CCDC187: variants seen among roughly 807,000 people sequenced by gnomAD.
The protein encoded by CCDC187 is coiled-coil domain containing 187.
In CCDC187, 32 loss-of-function variants were observed where a neutral mutation model predicts 38.0. That is an observed-to-expected ratio of 0.84 (90% CI 0.64 to 1.13). The LOEUF is 1.13. Among genes scored for constraint, CCDC187 ranks in the 50% most tolerant of loss-of-function variants. The probability of loss-of-function intolerance (pLI) is 0.00; values close to 1 mark genes in which losing one functional copy is unlikely to be tolerated. For synonymous variants in CCDC187, 333 were observed against 347.9 expected (o/e 0.96, Z 0.48); for missense variants, 707 against 786.8 (o/e 0.90, Z 1.21).
rs1012724241 is a variant in CCDC187, at chr9:136,299,681, C to T, written c.724+539G>A. 3.9e-5 allele frequency among the ~76,000 whole-genome samples: 6 copies of T among 152,350 alleles called. No homozygotes were observed. In the East Asian group the frequency reaches 1.2e-3, roughly 29 times the overall value. ...CAGCTCCTGCCCCCTCCATCCTACC[C>T]CTTCCATTTGTTGAGCAAATGAGTA... On this transcript the variant is annotated intron_variant, in intron 3 of 25. Coordinates refer to ENST00000638797, the MANE Select transcript of CCDC187 (RefSeq NM_001378188.1).
Position 136,258,669 on chromosome 9 carries a change from A to T in CCDC187, c.4366+263T>A. ...CTTAAAAATCTGCCCCAGATGAACG[A>T]AGTTGCGACTAAAACAATCCCAGCC... On this transcript the variant is annotated intron_variant, in intron 22 of 25. Transcript: ENST00000638797. The surrounding 1 kb of genome is among the most constrained non-coding windows in gnomAD (Gnocchi z 4.3). The T allele has an allele frequency of 1.0e-6, 1 of 984,036 alleles. No homozygotes were observed. Among genetic ancestry groups the T allele is most frequent in the Non-Finnish European group, 1.2e-6 (1 of 828,670 alleles). 61.0% of individuals were successfully genotyped at this position (984,036 alleles called of 1,614,324 possible).
At chr9:136,284,578 C>T (rs1831127116) in intron 9 of CCDC187, among the ~76,000 whole-genome samples, 1 of 152,084 alleles carries the variant, frequency 6.6e-6, no homozygotes, top group Non-Finnish European at 1.5e-5. Context: ...GAACGCCTGG[C>T]AGTATGCGGT....
intron 7 of CCDC187, 50 bp downstream of exon 7, chr9:136,289,909 C>CA: frequency 2.6e-6 from 1 of 390,260 alleles, no homozygotes; most frequent in Non-Finnish European, 4.5e-6. Flanking sequence ...GTTCTTGGCC[C>CA]CCCCCAAGGC....
rs1224749818 is a variant in CCDC187 at position 136,264,638 on chromosome 9, T to C, written c.3736-840A>G. ...CCATGCCTGACACCCCAGGTCGTAG[T>C]ATGTACAGGGCATCCAGGGCAGGGA... On this transcript the variant is annotated intron_variant, in intron 17 of 25. Coordinates refer to ENST00000638797, the MANE Select transcript of CCDC187 (RefSeq NM_001378188.1). The surrounding 1 kb of genome is among the most constrained non-coding windows in gnomAD (Gnocchi z 4.3). Among the ~76,000 whole-genome samples, 2 of 152,154 alleles carry C rather than the reference T, an allele frequency of 1.3e-5. No individual in the cohort carries two copies. The highest frequency in any genetic ancestry group is 4.8e-5 in the African/African-American group (2 of 41,436).
chr9:136,293,227 A>C (rs1053310895), intron 4 of CCDC187, among the ~76,000 whole-genome samples: 1 of 144,596 alleles, frequency 6.9e-6, no homozygotes, highest in African/African-American at 2.7e-5. Context: ...ACACACTCAC[A>C]CTCACACGCT....
rs1440604594 is a variant in CCDC187, at chr9:136,290,672, C to T, written c.1941G>A (p.Ala647=). 318 of 398,550 alleles carry T rather than the reference C, an allele frequency of 8.0e-4. 1 individual carries two copies. Among genetic ancestry groups the T allele is most frequent in the Non-Finnish European group, 2.2e-4 (49 of 226,030 alleles). The allele number at this position is 398,550 out of a possible 1,614,324, so 24.7% of individuals were successfully genotyped here. The change falls in exon 6 of 26, where the codon GCG becomes GCA. Residue 647 remains alanine, a synonymous_variant. Transcript: ENST00000638797. The stretch of plus-strand genomic sequence containing the variant: ...CCAGGGCCTGCCGCCGCCGGGCCTG[C>T]GCCTTCTGGCGCATGAACTCCCGCA... ...ESLREFMRQK[A]QARRRQALEE...
chr9:136,279,723 T>C (rs1201901011), intron 10 of CCDC187, among the ~76,000 whole-genome samples: 2 of 152,232 alleles, frequency 1.3e-5, no homozygotes, highest in Non-Finnish European at 2.9e-5. Context: ...CTGCACTTTC[T>C]GGGAAGAGAA....
chr9:136,300,754 C>G (rs917642740), intron 2 of CCDC187, among the ~76,000 whole-genome samples: 1 of 152,222 alleles, frequency 6.6e-6, no homozygotes, highest in Non-Finnish European at 1.5e-5. Context: ...CCTGCCACAA[C>G]ACCTGGCTAA....
At chr9:136,278,739 A>G (rs1830980741) in intron 10 of CCDC187, among the ~76,000 whole-genome samples, 1 of 152,338 alleles carries the variant, frequency 6.6e-6, no homozygotes, top group South Asian at 2.1e-4. Flanking sequence ...GGAGTTTGAG[A>G]GCCAGGGCCC....
At position 136,254,264 on chromosome 9, in the gene CCDC187, C is replaced by T. The variant is rs1363322976; in HGVS notation, c.5564G>A (p.Gly1855Glu). Residue 1855 changes from glycine to glutamate, a missense_variant, in exon 26 of 26, where the codon GGG (glycine) becomes GAG (glutamate). Transcript: ENST00000638797. ...EASGTSESLMGVSDTGEALQA... is the reference protein window; with the variant it reads ...EASGTSESLMEVSDTGEALQA... Reference sequence around the variant, plus strand: ...GAGGGCTTCTCCTGTGTCTGACACCCCCATCAGGCTCTCGCTGGTCCCAGA... The same window carrying T: ...GAGGGCTTCTCCTGTGTCTGACACCTCCATCAGGCTCTCGCTGGTCCCAGA... 5 of 984,528 alleles carry T rather than the reference C, an allele frequency of 5.1e-6. No individual in the cohort carries two copies. In the African/African-American group the frequency reaches 8.7e-5, roughly 17 times the overall value. The allele number at this position is 984,528 out of a possible 1,614,324, so 61.0% of individuals were successfully genotyped here.
rs1201668692 is a variant in CCDC187 at position 136,286,196 on chromosome 9, G to C, written c.2722C>G (p.Pro908Ala). The C allele has an allele frequency of 7.5e-6, 3 of 398,490 alleles. No homozygotes were observed. Among genetic ancestry groups the C allele is most frequent in the Non-Finnish European group, 1.3e-5 (3 of 226,060 alleles). 24.7% of individuals were successfully genotyped at this position (398,490 alleles called of 1,614,324 possible). A position where few individuals can be genotyped will look rare whatever the true frequency, so the allele number is the denominator to read the frequency against. The change falls in exon 8 of 26, where the codon CCC (proline) becomes GCC (alanine). Residue 908 changes from proline (P) to alanine (A), a missense_variant. Transcript: ENST00000638797. ...PGEWVSMQPQ[P>A]LLPPTYFLDG... ...AGGAAGTAGGTCGGGGGCAGAAGGG[G>C]CTGGGGCTGCATGCTCACCCACTCC... is the stretch of plus-strand genomic sequence containing the variant.
chr9:136,291,292 C>A lies in CCDC187; in HGVS notation c.1321G>T (p.Ala441Ser), dbSNP rs1301566626. 3 of 398,668 alleles carry A rather than the reference C, an allele frequency of 7.5e-6. No individual in the cohort carries two copies. The highest frequency in any genetic ancestry group is 4.1e-5 in the African/African-American group (2 of 48,656). 24.7% of individuals were successfully genotyped at this position (398,668 alleles called of 1,614,324 possible). ...GGCTCCCAGGTGTGGACACTCCTAG[C>A]CCTCTCTAAAGAGGAATGCTTCCTC... ...TERKHSSLERARSVHTWEPWS... is the reference protein window; with the variant it reads ...TERKHSSLERSRSVHTWEPWS... The change falls in exon 6 of 26, where the codon GCT becomes TCT. Residue 441 changes from alanine to serine, a missense_variant. Transcript: ENST00000638797.
upstream of CCDC187, among the ~76,000 whole-genome samples, chr9:136,306,199 G>A (rs1006356986): frequency 4.0e-3 from 606 of 152,272 alleles, 7 homozygotes; most frequent in Non-Finnish European, 6.0e-3. Context: ...CCAGCAGCAC[G>A]GGAGCCCTGC....
At chr9:136,279,339 T>C (rs1442382039) in intron 10 of CCDC187, among the ~76,000 whole-genome samples, 1 of 152,206 alleles carries the variant, frequency 6.6e-6, no homozygotes. Context: ...AGTGTTTATG[T>C]CTAGAAGATT....
intron 7 of CCDC187, among the ~76,000 whole-genome samples, chr9:136,289,235 G>C (rs1013679017): frequency 6.6e-6 from 1 of 152,210 alleles, no homozygotes; most frequent in East Asian, 1.9e-4. Context: ...AGGCAAATCC[G>C]GGCGGGGCGC....
chr9:136,303,048 G>GAC lies in CCDC187; in HGVS notation c.387_388dup (p.Ser130CysfsTer27). 2.5e-6 allele frequency: 1 copy of GAC among 398,690 alleles called. No homozygotes were observed. The highest frequency in any genetic ancestry group is 3.6e-5 in the East Asian group (1 of 28,074). The allele number at this position is 398,690 out of a possible 1,614,324, so 24.7% of individuals were successfully genotyped here. A position where few individuals can be genotyped will look rare whatever the true frequency, so the allele number is the denominator to read the frequency against. ...CACCTGGGGTGGCCTCTCCTTCCAA[G>GAC]ACACACACACGTCGTGGCCCCCCGA... is the stretch of plus-strand genomic sequence containing the variant. On this transcript the variant is annotated frameshift_variant, in exon 2 of 26. Coordinates refer to ENST00000638797, the MANE Select transcript of CCDC187 (RefSeq NM_001378188.1). LOFTEE classifies it high-confidence loss of function.
At position 136,289,168 on chromosome 9, in the gene CCDC187, C is replaced by T. The variant is rs1043008449; in HGVS notation, c.2222+791G>A. On this transcript the variant is annotated intron_variant, in intron 7 of 25. Coordinates refer to ENST00000638797, the MANE Select transcript of CCDC187 (RefSeq NM_001378188.1). ...GAATGAGCCTGGAAAACGTTATCCT[C>T]GGTGAGAGAAGCCAGACCCGTACTT... Among the ~76,000 whole-genome samples the T allele has an allele frequency of 1.9e-3, 289 of 152,250 alleles. 1 individual carries two copies. The highest frequency in any genetic ancestry group is 6.8e-3 in the Middle Eastern group (2 of 294).
At chr9:136,266,147 T>C (rs1458647116) in intron 16 of CCDC187, 104 bp from the exon 17 acceptor site, 13 of 601,124 alleles carry the variant, frequency 2.2e-5, no homozygotes, top group Non-Finnish European at 2.5e-5. Flanking sequence ...CAACCTGGAA[T>C]GCCCTCCCAA....
upstream of CCDC187, among the ~76,000 whole-genome samples, chr9:136,306,003 C>T (rs1172646926): frequency 4.6e-5 from 7 of 152,234 alleles, no homozygotes; most frequent in Admixed American, 3.9e-4. Context: ...CCACGGGGAC[C>T]GCTCACAGCC....
Sources: allele counts gnomAD v4.1 joint callset (sites outside exome capture counted in the v4.1 genomes callset), GRCh38; gene constraint gnomAD v4.1.1; non-coding constraint Gnocchi (gnomAD v3.1); transcripts MANE v1.5; gene names NCBI Gene and HGNC (gene_info 2026-07-23, HGNC 2026-07-21).